Variants in GLIS3 observed in about 807,000 individuals in gnomAD.
The protein encoded by GLIS3 is GLIS family zinc finger 3.
A neutral mutation model predicts 78.6 loss-of-function variants in GLIS3; 53 were observed. The ratio of observed to expected loss-of-function variants is 0.67; its 90% confidence interval spans 0.54 to 0.85. The LOEUF (loss-of-function observed/expected upper bound fraction) is 0.85. Among genes scored for constraint, GLIS3 ranks in the 40% least tolerant of loss-of-function variants. The pLI, the probability that GLIS3 is intolerant of heterozygous loss-of-function variation, is 0.00. For synonymous variants in GLIS3, 684 were observed against 509.9 expected (o/e 1.34, Z -4.60); for missense variants, 1,703 against 1,231.1 (o/e 1.38, Z -5.74).
rs190525830 is a variant in GLIS3, at chr9:4,347,723, G to C, written n.161+509C>G. On this transcript the variant is annotated intron_variant and non_coding_transcript_variant, in intron 1 of 4. Transcript: ENST00000471664. ...CTTTTTGTTTGTTTGTTTTTGGTTT[G>C]GTTTTTTTGAGGTTTTTTTTTGGTG... Among the ~76,000 whole-genome samples, 110 of 152,028 alleles carry C rather than the reference G, an allele frequency of 7.2e-4. 2 individuals carry two copies. The highest frequency in any genetic ancestry group is 7.2e-3 in the Admixed American group (110 of 15,290).
At chr9:4,140,160 C>T (rs1017103928) in intron 2 of GLIS3, among the ~76,000 whole-genome samples, 3 of 152,084 alleles carry the variant, frequency 2.0e-5, no homozygotes, top group African/African-American at 7.2e-5. Context: ...GCTGTCTCCA[C>T]AAAAAATACA....
At chr9:4,008,674 GTGCT>G (rs1228819330) in intron 4 of GLIS3, among the ~76,000 whole-genome samples, 1 of 152,192 alleles carries the variant, frequency 6.6e-6, no homozygotes, top group African/African-American at 2.4e-5. Context: ...CATGCCCCAT[GTGCT>G]TGCTTATGTG....
intron 2 of GLIS3, among the ~76,000 whole-genome samples, chr9:4,157,423 C>T (rs1286297487): frequency 2.0e-5 from 3 of 152,132 alleles, no homozygotes; most frequent in African/African-American, 4.8e-5. Flanking sequence ...CCCTGTTGCA[C>T]AATGAAATGT....
At chr9:4,059,829 T>TGTGTGTGTGAGAGAGAGAGAGAGA in intron 4 of GLIS3, among the ~76,000 whole-genome samples, 91 of 100,694 alleles carry the variant, frequency 9.0e-4, no homozygotes, top group Non-Finnish European at 1.5e-3. Context: ...TGTGTGTGTG[T>TGTGTGTGTGAGAGAGAGAGAGAGA]GAGAGAGAGA....
At chr9:4,170,543 C>T (rs12346278) in intron 2 of GLIS3, among the ~76,000 whole-genome samples, 2 of 152,152 alleles carry the variant, frequency 1.3e-5, no homozygotes, top group African/African-American at 4.8e-5. Context: ...TAGGAGCACA[C>T]TTCAATCTTG....
At chr9:4,024,538 C>CA (rs1249751300) in intron 4 of GLIS3, among the ~76,000 whole-genome samples, 1 of 152,124 alleles carries the variant, frequency 6.6e-6, no homozygotes, top group Non-Finnish European at 1.5e-5. Flanking sequence ...CCAGGAAACT[C>CA]AGTCTCTTCA....
intron 4 of GLIS3, among the ~76,000 whole-genome samples, chr9:4,025,696 T>G (rs1823278672): frequency 6.6e-6 from 1 of 152,206 alleles, no homozygotes; most frequent in African/African-American, 2.4e-5. Flanking sequence ...TGGCCCATGT[T>G]TTAGATCACA....
chr9:4,190,869 G>T (rs564916333), intron 2 of GLIS3, among the ~76,000 whole-genome samples: 56 of 152,142 alleles, frequency 3.7e-4, no homozygotes, highest in African/African-American at 1.3e-3. Flanking sequence ...AGACAGTGGG[G>T]GCCAATATGC....
chr9:4,091,201 T>C (rs1406131923), intron 4 of GLIS3, among the ~76,000 whole-genome samples: 5 of 151,862 alleles, frequency 3.3e-5, no homozygotes, highest in African/African-American at 1.2e-4. Flanking sequence ...CAAAAATAAT[T>C]TTTAAAATGT....
intron 2 of GLIS3, among the ~76,000 whole-genome samples, chr9:4,276,915 T>TG (rs1462730008): frequency 6.6e-6 from 1 of 152,248 alleles, no homozygotes; most frequent in African/African-American, 2.4e-5. Flanking sequence ...CTTTGGTCTC[T>TG]GGCTGTTTGG....
chr9:4,292,997 G>C (rs906635270), intron 1 of GLIS3, among the ~76,000 whole-genome samples: 4 of 152,150 alleles, frequency 2.6e-5, no homozygotes, highest in Admixed American at 2.0e-4. Context: ...AGACACAAAG[G>C]CTTCTTCTTC....
chr9:3,919,458 G>A (rs562649603), intron 6 of GLIS3, among the ~76,000 whole-genome samples: 1 of 152,122 alleles, frequency 6.6e-6, no homozygotes, highest in South Asian at 2.1e-4. Flanking sequence ...ACATATAGGG[G>A]AACAACACAC....
At chr9:3,857,197 T>G (rs1053228684) in intron 8 of GLIS3, among the ~76,000 whole-genome samples, 1 of 152,206 alleles carries the variant, frequency 6.6e-6, no homozygotes, top group African/African-American at 2.4e-5. Context: ...ATTGTTTAGT[T>G]TCCTCAAAAA....
intron 4 of GLIS3, among the ~76,000 whole-genome samples, chr9:3,970,025 C>T (rs754725991): frequency 9.2e-5 from 14 of 152,158 alleles, no homozygotes; most frequent in Admixed American, 7.2e-4. Flanking sequence ...AAGTGAGTAA[C>T]GTTCACTGCA....
chr9:3,841,472 A>G (rs1818709883), intron 9 of GLIS3, among the ~76,000 whole-genome samples: 1 of 152,246 alleles, frequency 6.6e-6, no homozygotes, highest in African/African-American at 2.4e-5. Flanking sequence ...AGTAACACTC[A>G]CATGGCATCA....
the GLIS3 span, among the ~76,000 whole-genome samples, chr9:4,467,733 C>G: frequency 2.1e-4 from 32 of 152,246 alleles, no homozygotes; most frequent in African/African-American, 5.1e-4. Context: ...CTCTTCACCC[C>G]CAAAGGAAGA....
intron 7 of GLIS3, among the ~76,000 whole-genome samples, chr9:3,895,009 AAGGAGCC>A (rs1270180549): frequency 6.6e-6 from 1 of 152,162 alleles, no homozygotes; most frequent in Non-Finnish European, 1.5e-5. Flanking sequence ...TTCGGTTTGA[AAGGAGCC>A]ATAATTTTTG....
intron 9 of GLIS3, among the ~76,000 whole-genome samples, chr9:3,842,026 G>C: frequency 6.6e-6 from 1 of 152,180 alleles, no homozygotes. Flanking sequence ...AAATGCCCTT[G>C]TCTTTCCAAC....
At chr9:4,336,010 G>C (rs1817750708) in intron 2 of GLIS3, among the ~76,000 whole-genome samples, 1 of 152,212 alleles carries the variant, frequency 6.6e-6, no homozygotes, top group South Asian at 2.1e-4. Context: ...GAAAACCTGA[G>C]TTTGGAGATG....
Sources: gnomAD v4.1 joint callset for allele counts (sites outside exome capture counted in the v4.1 genomes callset) on GRCh38, gnomAD v4.1.1 for gene constraint, MANE v1.5 for transcripts, NCBI Gene and HGNC (gene_info 2026-07-23, HGNC 2026-07-21) for gene names.